Variants in NEK10 observed in about 807,000 individuals in gnomAD.
NEK10 encodes serine/threonine-protein kinase Nek10.
In NEK10, 122 loss-of-function variants were observed where a neutral mutation model predicts 159.8. The ratio of observed to expected loss-of-function variants is 0.76; its 90% CI spans 0.66 to 0.89. The LOEUF (loss-of-function observed/expected upper bound fraction) is 0.89, where lower values mean the gene tolerates loss of function less well. NEK10 is among the 40% of genes least tolerant of loss of function. The pLI is 0.00. For missense variants in NEK10, 1,342 were observed against 1,323.1 expected, an observed-to-expected ratio of 1.01 and a Z score of -0.22; for synonymous variants, 466 against 457.1, an observed-to-expected ratio of 1.02 and a Z score of -0.25.
intron 31 of NEK10, among the ~76,000 whole-genome samples, chr3:27,134,874 T>C (rs1160637726): frequency 6.6e-6 from 1 of 152,192 alleles, no homozygotes; most frequent in Non-Finnish European, 1.5e-5. Flanking sequence ...ACTATAATAC[T>C]AAGAATAGAA....
At chr3:27,123,298 GT>G (rs1174824745) in intron 32 of NEK10, among the ~76,000 whole-genome samples, 3 of 152,072 alleles carry the variant, frequency 2.0e-5, no homozygotes, top group Non-Finnish European at 4.4e-5. Context: ...GACTAGCTTG[GT>G]TTTTTTAGAG....
At chr3:27,287,809 C>T in intron 19 of NEK10, 66 bp from the exon 20 acceptor site, 1 of 1,413,448 alleles carries the variant, frequency 7.1e-7, no homozygotes, top group Non-Finnish European at 9.4e-7. Flanking sequence ...TCACTGACTA[C>T]TTAGTTGGAC....
At chr3:27,227,032 C>T (rs1217942591) in intron 23 of NEK10, among the ~76,000 whole-genome samples, 6 of 152,160 alleles carry the variant, frequency 3.9e-5, no homozygotes. Flanking sequence ...AGCCTTACTC[C>T]CTTAAGTGCT....
chr3:27,274,646 G>A (rs2041631926), intron 22 of NEK10, among the ~76,000 whole-genome samples: 1 of 151,816 alleles, frequency 6.6e-6, no homozygotes, highest in Admixed American at 6.6e-5. Context: ...CACACATGCA[G>A]GCATACACAC....
At chr3:27,335,399 A>G (rs551240959) in intron 5 of NEK10, among the ~76,000 whole-genome samples, 28 of 152,162 alleles carry the variant, frequency 1.8e-4, no homozygotes, top group African/African-American at 5.8e-4. Flanking sequence ...ACTCTAATAC[A>G]ATAATAGCGA....
Position 27,302,005 on chromosome 3 carries a change from A to C in NEK10, c.1029-170T>G, listed in dbSNP as rs1481083273. On this transcript the variant is annotated intron_variant, in intron 12 of 35. Coordinates refer to ENST00000691995, the MANE Select transcript of NEK10 (RefSeq NM_001394966.1). ...TTTTTGTGTATGGTGTGTGGTAAGAACCATTTTTTTATGGTTACTGATTTC... is the reference window on the plus strand; with the variant it reads ...TTTTTGTGTATGGTGTGTGGTAAGACCCATTTTTTTATGGTTACTGATTTC... Among the ~76,000 whole-genome samples the C allele has an allele frequency of 2.0e-5, 3 of 152,174 alleles. No individual in the cohort carries two copies. In the East Asian group the frequency reaches 5.8e-4, roughly 29 times the overall value.
At chr3:27,201,999 A>G (rs1411416228) in intron 24 of NEK10, among the ~76,000 whole-genome samples, 1 of 151,924 alleles carries the variant, frequency 6.6e-6, no homozygotes, top group Non-Finnish European at 1.5e-5. Flanking sequence ...AAAAAAAAAT[A>G]AAAAATTCGG....
At chr3:27,297,939 A>G (rs1340579885) in intron 13 of NEK10, among the ~76,000 whole-genome samples, 5 of 152,132 alleles carry the variant, frequency 3.3e-5, no homozygotes, top group Non-Finnish European at 5.9e-5. Flanking sequence ...AAGATTTTAC[A>G]TATATTCCCA....
At chr3:27,143,426 C>T (rs201730790) in intron 30 of NEK10, 9 of 754,420 alleles carry the variant, frequency 1.2e-5, no homozygotes, top group Non-Finnish European at 2.2e-5. Context: ...AATGGGATAT[C>T]ACATAGGTTT....
intron 23 of NEK10, among the ~76,000 whole-genome samples, chr3:27,216,215 C>G (rs920998594): frequency 6.6e-6 from 1 of 152,092 alleles, no homozygotes; most frequent in African/African-American, 2.4e-5. Flanking sequence ...GAACCCCTGC[C>G]CAAGAGAAGG....
chr3:27,158,318 C>T (rs1011492032), intron 30 of NEK10, among the ~76,000 whole-genome samples: 1 of 151,950 alleles, frequency 6.6e-6, no homozygotes. Flanking sequence ...AAATGCTATG[C>T]AACATAATAA....
intron 23 of NEK10, among the ~76,000 whole-genome samples, chr3:27,227,188 G>A (rs1183113796): frequency 6.6e-6 from 1 of 152,130 alleles, no homozygotes; most frequent in Non-Finnish European, 1.5e-5. Flanking sequence ...CAAACTAATG[G>A]AGGTGTAGAA....
Position 27,310,120 on chromosome 3 carries a change from T to A in NEK10, c.636+829A>T, listed in dbSNP as rs965967318. 5.7e-4 allele frequency: 87 copies of A among 152,334 alleles called. 2 individuals are homozygous for A. Among genetic ancestry groups the A allele is most frequent in the African/African-American group, 2.1e-3 (87 of 41,580 alleles). The allele number at this position is 152,334 out of a possible 1,614,324, so 9.4% of individuals were successfully genotyped here. On this transcript the variant is annotated intron_variant, in intron 9 of 35. Transcript: ENST00000691995. ...TTTGCCTTTATGATTTCATTTTATC[T>A]TAATGAAGTTATCATTATCTTTATT... is the stretch of plus-strand genomic sequence containing the variant.
In NEK10 at chr3:27,291,298, A is replaced by T. The variant is rs1244756844; in HGVS notation, c.1569T>A (p.Asp523Glu). 1 of 1,613,772 alleles carries T rather than the reference A, an allele frequency of 6.2e-7. No individual in the cohort carries two copies. The highest frequency in any genetic ancestry group is 8.5e-7 in the Non-Finnish European group (1 of 1,179,810). The change falls in exon 18 of 36, where the codon GAT becomes GAA. Residue 523 changes from aspartate to glutamate, a missense_variant. Transcript: ENST00000691995. ...AGCCAAAAGCTCCACTTCCAAGATG[A>T]TCCAAAATTGCATAGTTGCCTATAT... ...LKYIGNYAIL[D>E]HLGSGAFGCV...
chr3:27,192,338 T>C, intron 25 of NEK10, 96 bp from the exon 26 acceptor site: 1 of 841,130 alleles, frequency 1.2e-6, no homozygotes, highest in South Asian at 1.6e-5. Context: ...GTGTGTCCAC[T>C]ATGGTATTTT....
chr3:27,363,378 T>C (rs957440032), intron 1 of NEK10, among the ~76,000 whole-genome samples: 5 of 152,228 alleles, frequency 3.3e-5, no homozygotes, highest in African/African-American at 7.2e-5. Flanking sequence ...GCTTTTTGGC[T>C]CATTCCCAGT....
chr3:27,292,968 CA>C (rs1177421548), intron 16 of NEK10, among the ~76,000 whole-genome samples: 2 of 152,102 alleles, frequency 1.3e-5, no homozygotes, highest in African/African-American at 4.8e-5. Context: ...GCCTTATTAA[CA>C]AAATTTTAAT....
chr3:27,331,902 T>A (rs2046446406), intron 5 of NEK10, among the ~76,000 whole-genome samples: 1 of 152,192 alleles, frequency 6.6e-6, no homozygotes, highest in African/African-American at 2.4e-5. Flanking sequence ...AACTGGGGTA[T>A]AAAATAATAA....
Position 27,315,377 on chromosome 3 carries a change from A to G in NEK10, c.448-1039T>C, listed in dbSNP as rs117895243. Among the ~76,000 whole-genome samples, 39 of 152,334 alleles carry G rather than the reference A, an allele frequency of 2.6e-4. No individual in the cohort carries two copies. The East Asian group carries it at 7.4e-3, about 29-fold the overall frequency. On this transcript the variant is annotated intron_variant, in intron 6 of 35. Transcript: ENST00000691995. ...CTGGGTCAAGGTTTCCATACTCTGTATAAAGTGAACTTGGAAATACTGAAC... is the reference window on the plus strand; with the variant it reads ...CTGGGTCAAGGTTTCCATACTCTGTGTAAAGTGAACTTGGAAATACTGAAC...
Sources: allele counts gnomAD v4.1 joint callset (sites outside exome capture counted in the v4.1 genomes callset), GRCh38; gene constraint gnomAD v4.1.1; transcripts MANE v1.5; gene names NCBI Gene and HGNC (gene_info 2026-07-23, HGNC 2026-07-21).